FAM135B: variants seen among roughly 807,000 people sequenced by gnomAD.
The protein encoded by FAM135B is protein FAM135B.
In FAM135B, 43 loss-of-function variants were observed where a neutral mutation model predicts 127.7. That is an observed-to-expected ratio of 0.34 (90% CI 0.26 to 0.43). The LOEUF is 0.43. Among genes scored for constraint, FAM135B ranks in the 20% least tolerant of loss-of-function variants. The pLI, the probability that FAM135B is intolerant of heterozygous loss-of-function variation, is 1.00. For synonymous variants in FAM135B, 670 were observed against 665.1 expected, an observed-to-expected ratio of 1.01 and a Z score of -0.11; for missense variants, 1,558 against 1,725.6, an observed-to-expected ratio of 0.90 and a Z score of 1.72.
At chr8:138,387,331 T>C (rs4610753) in intron 1 of FAM135B, among the ~76,000 whole-genome samples, 40,517 of 151,992 alleles carry the variant, frequency 0.27, 5,587 homozygotes, top group African/African-American at 0.33. Flanking sequence ...CACCTGCAGC[T>C]ACCTACTTCC....
intron 3 of FAM135B, among the ~76,000 whole-genome samples, chr8:138,294,059 C>T (rs1171907787): frequency 6.6e-6 from 1 of 152,128 alleles, no homozygotes; most frequent in Non-Finnish European, 1.5e-5. Flanking sequence ...TGGAATACTA[C>T]TCAGCCATAA....
chr8:138,170,526 A>G (rs764959802), intron 11 of FAM135B, among the ~76,000 whole-genome samples: 5 of 152,134 alleles, frequency 3.3e-5, no homozygotes, highest in South Asian at 2.1e-4. Flanking sequence ...CCGGCCCACT[A>G]TCTTTATTTG....
intron 3 of FAM135B, among the ~76,000 whole-genome samples, chr8:138,282,454 T>C (rs945919158): frequency 2.6e-5 from 4 of 152,196 alleles, no homozygotes; most frequent in Non-Finnish European, 5.9e-5. Flanking sequence ...TTATCTACAG[T>C]ATATTTTAAA....
chr8:138,156,823 A>AG (rs1402460041), intron 12 of FAM135B, among the ~76,000 whole-genome samples: 2 of 152,192 alleles, frequency 1.3e-5, no homozygotes, highest in East Asian at 3.9e-4. Context: ...CCAACCAAAA[A>AG]AGTCCAGGAC....
chr8:138,173,093 C>T (rs1473685253), intron 11 of FAM135B, among the ~76,000 whole-genome samples: 1 of 152,124 alleles, frequency 6.6e-6, no homozygotes, highest in African/African-American at 2.4e-5. Flanking sequence ...GGCAGAGACA[C>T]TCCCATTCTG....
chr8:138,230,320 G>A (rs1819816728), intron 7 of FAM135B, among the ~76,000 whole-genome samples: 1 of 152,166 alleles, frequency 6.6e-6, no homozygotes, highest in Non-Finnish European at 1.5e-5. Flanking sequence ...CCTGAGTGAT[G>A]GGTGCTGGGT....
At chr8:138,461,164 C>T (rs114006382) in intron 1 of FAM135B, among the ~76,000 whole-genome samples, 2,136 of 152,160 alleles carry the variant, frequency 0.014, 48 homozygotes, top group African/African-American at 0.048. Context: ...CACTATTAGT[C>T]ATGGATACTC....
At chr8:138,147,964 T>C (rs560434126) in intron 14 of FAM135B, among the ~76,000 whole-genome samples, 2 of 152,280 alleles carry the variant, frequency 1.3e-5, no homozygotes, top group Middle Eastern at 3.4e-3. Context: ...GTCCCTGGTA[T>C]ACAAAAGGTA....
At chr8:138,383,943 C>T (rs1416108381) in intron 1 of FAM135B, among the ~76,000 whole-genome samples, 4 of 152,296 alleles carry the variant, frequency 2.6e-5, no homozygotes, top group Middle Eastern at 3.4e-3. Context: ...TTTTCCTAGC[C>T]GCCCAGAGGT....
chr8:138,352,450 G>A (rs1222700833), intron 2 of FAM135B, among the ~76,000 whole-genome samples: 2 of 152,160 alleles, frequency 1.3e-5, no homozygotes, highest in Non-Finnish European at 2.9e-5. Flanking sequence ...ACCATGCACA[G>A]TCTTATGACT....
chr8:138,258,554 C>T (rs975904653), intron 4 of FAM135B, among the ~76,000 whole-genome samples: 4 of 152,096 alleles, frequency 2.6e-5, no homozygotes, highest in Admixed American at 6.5e-5. Flanking sequence ...CTTCTGAGCA[C>T]GCATATGCCT....
chr8:138,176,045 T>A (rs1586688477), intron 11 of FAM135B, among the ~76,000 whole-genome samples: 1 of 151,928 alleles, frequency 6.6e-6, no homozygotes, highest in African/African-American at 2.4e-5. Flanking sequence ...TGGATGGGGG[T>A]GAGAAAAAAA....
intron 7 of FAM135B, among the ~76,000 whole-genome samples, chr8:138,240,238 G>A (rs1475756904): frequency 1.3e-5 from 2 of 152,160 alleles, no homozygotes; most frequent in African/African-American, 2.4e-5. Flanking sequence ...TGTAACCAGA[G>A]TCTGCTTTCT....
rs886937690 is a variant in FAM135B at position 138,141,747 on chromosome 8, C to T, written c.3639-398G>A. Reference sequence around the variant, plus strand: ...TCCTGCTTGGGAGGCCATTCATATACGGATGGCCTCACAATGCCATTCATC... The same window carrying T: ...TCCTGCTTGGGAGGCCATTCATATATGGATGGCCTCACAATGCCATTCATC... On this transcript the variant is annotated intron_variant, in intron 16 of 19. Coordinates refer to ENST00000395297, the MANE Select transcript of FAM135B (RefSeq NM_015912.4). This position sits in a 1 kb window ranked among gnomAD's most constrained non-coding sequence, Gnocchi z 4.7. Among the ~76,000 whole-genome samples the T allele has an allele frequency of 2.6e-5, 4 of 152,136 alleles. No individual in the cohort carries two copies. The highest frequency in any genetic ancestry group is 7.2e-5 in the African/African-American group (3 of 41,422).
intron 12 of FAM135B, among the ~76,000 whole-genome samples, chr8:138,163,097 G>A (rs1433452630): frequency 6.6e-6 from 1 of 152,214 alleles, no homozygotes; most frequent in Non-Finnish European, 1.5e-5. Context: ...AATGAATAGT[G>A]TTAGTTAACG....
intron 2 of FAM135B, among the ~76,000 whole-genome samples, chr8:138,359,425 T>A (rs1830279563): frequency 6.6e-6 from 1 of 152,178 alleles, no homozygotes; most frequent in Admixed American, 6.5e-5. Flanking sequence ...CATACCCACC[T>A]ACCATTCATC....
intron 7 of FAM135B, among the ~76,000 whole-genome samples, chr8:138,205,352 C>T (rs1039487221): frequency 2.1e-4 from 32 of 152,146 alleles, no homozygotes; most frequent in African/African-American, 7.5e-4. Context: ...TTTTTCATCT[C>T]GATGCTGAAC....
chr8:138,137,027 C>T (rs1177051181), intron 19 of FAM135B, 120 bp downstream of exon 19: 3 of 651,616 alleles, frequency 4.6e-6, no homozygotes, highest in Non-Finnish European at 8.4e-6. Context: ...TATCACTAAG[C>T]TAAGATAAAT....
At chr8:138,444,362 C>T (rs1835981285) in intron 1 of FAM135B, among the ~76,000 whole-genome samples, 1 of 152,166 alleles carries the variant, frequency 6.6e-6, no homozygotes, top group African/African-American at 2.4e-5. Context: ...TTCTCAGCAC[C>T]ACACCACACT....
Sources: gnomAD v4.1 joint callset for allele counts (sites outside exome capture counted in the v4.1 genomes callset) on GRCh38, gnomAD v4.1.1 for gene constraint, Gnocchi (gnomAD v3.1) non-coding constraint, MANE v1.5 for transcripts, NCBI Gene and HGNC (gene_info 2026-07-23, HGNC 2026-07-21) for gene names.